The following TENM1 variants were observed in gnomAD, a reference collection of about 807,000 sequenced individuals.
TENM1 encodes teneurin-1.
TENM1 carries 35 observed loss-of-function variants against 174.8 expected under a neutral mutation model. That is an observed-to-expected ratio of 0.20 (90% CI 0.15 to 0.27). TENM1 has a LOEUF of 0.27. Ranked by LOEUF, TENM1 falls within the 10% of genes least tolerant of loss-of-function variation. TENM1 has a pLI of 1.00. For synonymous variants in TENM1, 781 were observed against 798.7 expected (o/e 0.98, Z 0.37); for missense variants, 1,633 against 2,130.1 (o/e 0.77, Z 4.59).
At chrX:124,484,865 C>T (rs1295914544) in intron 21 of TENM1, among the ~76,000 whole-genome samples, 1 of 111,268 alleles carries the variant, frequency 9.0e-6, no homozygotes, top group Admixed American at 9.6e-5. Flanking sequence ...ATATCTTTCT[C>T]TCCAACTACA....
Position 124,416,642 on chromosome X carries a change from CAAGTGGTCAATTCT to C in TENM1, c.4982+3655_4982+3668del, listed in dbSNP as rs369460296. 2.6e-3 allele frequency among the ~76,000 whole-genome samples: 292 copies of C among 111,927 alleles called. 1 individual carries two copies. Among genetic ancestry groups the C allele is most frequent in the African/African-American group, 8.9e-3 (273 of 30,738 alleles). ...GCGCCTGCTCTTCACAGTGCTAAAT[CAAGTGGTCAATTCT>C]AAGTCCTCATCTTACTTATCAGGAG... On this transcript the variant is annotated intron_variant, in intron 25 of 31. Transcript: ENST00000422452.
At chrX:125,198,564 T>C in the TENM1 span, among the ~76,000 whole-genome samples, 1 of 111,735 alleles carries the variant, frequency 8.9e-6, no homozygotes, top group Non-Finnish European at 1.9e-5. Flanking sequence ...AAGAGGGTTG[T>C]AGGAAGATTT....
At chrX:124,787,924 A>G (rs2055080096) in intron 3 of TENM1, among the ~76,000 whole-genome samples, 1 of 111,992 alleles carries the variant, frequency 8.9e-6, no homozygotes, top group Admixed American at 9.5e-5. Context: ...TATTGGACTT[A>G]CAGTTCCACA....
At chrX:124,736,836 T>A (rs2053682784) in intron 4 of TENM1, 121 bp downstream of exon 7, 5 of 926,933 alleles carry the variant, frequency 5.4e-6, no homozygotes, top group Non-Finnish European at 7.3e-6. Flanking sequence ...CATCTGGGTG[T>A]GTATCGGTTT....
chrX:125,074,335 C>A, the TENM1 span, among the ~76,000 whole-genome samples: 1 of 108,884 alleles, frequency 9.2e-6, no homozygotes, highest in African/African-American at 3.4e-5. Context: ...CACTCTGGGT[C>A]TGCTTCCCCA....
At chrX:124,646,880 A>C in intron 8 of TENM1, 70 bp from the exon 12 acceptor site, 1 of 757,667 alleles carries the variant, frequency 1.3e-6, no homozygotes, top group Non-Finnish European at 1.9e-6. Flanking sequence ...ATTTTTTTTT[A>C]AGTTGCAGGA....
chrX:124,560,133 C>G (rs1274503761), intron 14 of TENM1, among the ~76,000 whole-genome samples: 1 of 108,808 alleles, frequency 9.2e-6, no homozygotes, highest in Admixed American at 9.9e-5. Flanking sequence ...GTTTCCAAAA[C>G]AAGGTTTTCA....
the TENM1 span, among the ~76,000 whole-genome samples, chrX:124,981,797 C>A: frequency 9.0e-6 from 1 of 110,663 alleles, no homozygotes; most frequent in African/African-American, 3.3e-5. Flanking sequence ...TAGGTTTATC[C>A]CTGGTTGGAG....
chrX:124,389,522 A>C (rs1366432854), intron 28 of TENM1, among the ~76,000 whole-genome samples: 1 of 112,003 alleles, frequency 8.9e-6, no homozygotes, highest in African/African-American at 3.2e-5. Flanking sequence ...AAAAAGTTAC[A>C]TGTTACATGG....
chrX:124,693,741 G>A lies in TENM1; in HGVS notation c.1015+11272C>T, dbSNP rs73545923. 4.0e-3 allele frequency among the ~76,000 whole-genome samples: 445 copies of A among 109,929 alleles called. 2 individuals are homozygous for A. The highest frequency in any genetic ancestry group is 0.013 in the African/African-American group (403 of 30,285). On this transcript the variant is annotated intron_variant, in intron 5 of 31. Coordinates refer to ENST00000422452, the Ensembl canonical transcript of TENM1. Reference sequence around the variant, plus strand: ...TTATTGCTGTTTTTTTCTGCTTTGGGGTTGGCTATTAGAAGTTTTTTTTTT... The same window carrying A: ...TTATTGCTGTTTTTTTCTGCTTTGGAGTTGGCTATTAGAAGTTTTTTTTTT...
chrX:125,017,259 T>A, the TENM1 span, among the ~76,000 whole-genome samples: 586 of 111,878 alleles, frequency 5.2e-3, 4 homozygotes, highest in African/African-American at 0.017. Context: ...AAATAAACTA[T>A]CATCAGAGTG....
intron 11 of TENM1, among the ~76,000 whole-genome samples, chrX:124,634,006 C>T (rs1161796393): frequency 9.0e-6 from 1 of 111,679 alleles, no homozygotes; most frequent in African/African-American, 3.2e-5. Context: ...TTTTATTTAA[C>T]CAATCAAATC....
intron 4 of TENM1, among the ~76,000 whole-genome samples, chrX:124,710,127 C>T (rs780343912): frequency 4.0e-4 from 45 of 111,388 alleles, no homozygotes; most frequent in Admixed American, 3.8e-3. Context: ...GTCTGCTTAA[C>T]TCTCCCAGAC....
rs185505850 is a variant in TENM1 at position 124,520,479 on chromosome X, T to C, written c.3301+38A>G. ...TAACAAGTATTTTCTGTTCTGTGCA[T>C]GTAATACTGCTATTTACATATAATT... On this transcript the variant is annotated intron_variant, in intron 18 of 31. Coordinates refer to ENST00000422452, the Ensembl canonical transcript of TENM1. 1.6e-4 allele frequency: 186 copies of C among 1,133,435 alleles called. No individual in the cohort carries two copies. In the African/African-American group the frequency reaches 3.1e-3, roughly 19 times the overall value. The allele number at this position is 1,133,435 out of a possible 1,213,427, so 93.4% of individuals were successfully genotyped here.
the TENM1 span, among the ~76,000 whole-genome samples, chrX:125,190,557 C>T: frequency 1.8e-5 from 2 of 111,310 alleles, no homozygotes; most frequent in South Asian, 3.8e-4. Context: ...CAGTGGATCT[C>T]GATTATTTTC....
intron 25 of TENM1, among the ~76,000 whole-genome samples, chrX:124,418,545 G>A (rs1257533958): frequency 9.0e-6 from 1 of 111,359 alleles, no homozygotes; most frequent in Non-Finnish European, 1.9e-5. Flanking sequence ...ATTTGAAATT[G>A]TATACATCTT....
intron 3 of TENM1, among the ~76,000 whole-genome samples, chrX:124,774,418 T>G (rs1446744408): frequency 1.8e-5 from 2 of 111,342 alleles, no homozygotes; most frequent in African/African-American, 3.3e-5. Flanking sequence ...TGAAATGATA[T>G]GATATGGATC....
chrX:125,034,368 G>T, the TENM1 span, among the ~76,000 whole-genome samples: 2 of 111,490 alleles, frequency 1.8e-5, no homozygotes, highest in South Asian at 7.4e-4. Flanking sequence ...TCCACTGCCC[G>T]ACAAATTCTT....
At chrX:125,126,116 C>G in the TENM1 span, among the ~76,000 whole-genome samples, 1 of 112,041 alleles carries the variant, frequency 8.9e-6, no homozygotes, top group East Asian at 2.8e-4. Flanking sequence ...TAATGTGAGT[C>G]TAGGAGATTA....
Sources: allele counts gnomAD v4.1 joint callset (sites outside exome capture counted in the v4.1 genomes callset), GRCh38; gene constraint gnomAD v4.1.1; transcripts MANE v1.5; gene names NCBI Gene and HGNC (gene_info 2026-07-23, HGNC 2026-07-21).